The following CASZ1 variants were observed in gnomAD, a reference collection of about 807,000 sequenced individuals.
CASZ1 encodes the protein zinc finger protein castor homolog 1.
CASZ1 carries 28 observed loss-of-function variants against 135.2 expected under a neutral mutation model. That is an observed-to-expected ratio of 0.21 (90% CI 0.15 to 0.28). The LOEUF is 0.28. Among genes scored for constraint, CASZ1 ranks in the 10% least tolerant of loss-of-function variants. The pLI is 1.00. For synonymous variants in CASZ1, 1,068 were observed against 1,073.4 expected, an observed-to-expected ratio of 0.99 and a Z score of 0.10; for missense variants, 2,161 against 2,453.3, an observed-to-expected ratio of 0.88 and a Z score of 2.52.
At chr1:10,671,330 G>GCA (rs1170521835) in intron 4 of CASZ1, among the ~76,000 whole-genome samples, 1 of 152,156 alleles carries the variant, frequency 6.6e-6, no homozygotes, top group Non-Finnish European at 1.5e-5. Context: ...CTGTGCGCGC[G>GCA]CACACACGCT....
At chr1:10,742,075 G>A (rs1175488067) in intron 2 of CASZ1, among the ~76,000 whole-genome samples, 3 of 152,084 alleles carry the variant, frequency 2.0e-5, no homozygotes, top group Non-Finnish European at 2.9e-5. Flanking sequence ...CAGGGTCCAC[G>A]GCTGCAAGTC....
rs1418770171 is a variant in CASZ1, at chr1:10,720,100, G to A, written c.-76-14556C>T. On this transcript the variant is annotated intron_variant, in intron 2 of 20. Coordinates refer to ENST00000377022, the MANE Select transcript of CASZ1 (RefSeq NM_001079843.3). The surrounding 1 kb of genome is among the most constrained non-coding windows in gnomAD (Gnocchi z 5.7). ...ACAGAGAGCTTGGATCCGGCTGCAA[G>A]TTCTGAAGTCTGGTAGGTACCGATG... Among the ~76,000 whole-genome samples the A allele has an allele frequency of 6.6e-6, 1 of 152,246 alleles. No homozygotes were observed. The highest frequency in any genetic ancestry group is 1.5e-5 in the Non-Finnish European group (1 of 68,042).
chr1:10,640,189 C>A, intron 20 of CASZ1, 130 bp from the exon 21 acceptor site: 1 of 1,405,268 alleles, frequency 7.1e-7, no homozygotes, highest in East Asian at 2.3e-5. Context: ...CTCGGCTTCC[C>A]CTGGCTTGGG....
chr1:10,696,095 G>A (rs1252322347), intron 3 of CASZ1, among the ~76,000 whole-genome samples: 3 of 152,250 alleles, frequency 2.0e-5, no homozygotes, highest in Non-Finnish European at 4.4e-5. Flanking sequence ...AGGGGCCAGG[G>A]AGGCCTTGGG....
At position 10,657,790 on chromosome 1, in the gene CASZ1, C is replaced by T. The variant is rs1000290710; in HGVS notation, c.1409+718G>A. Among the ~76,000 whole-genome samples, 5 of 1,986 alleles carry T rather than the reference C, an allele frequency of 2.5e-3. No individual in the cohort carries two copies. In the East Asian group the frequency reaches 0.027, roughly 11 times the overall value. The allele number at this position is 1,986 out of a possible 152,430, so 1.3% of individuals were successfully genotyped here. A position where few individuals can be genotyped will look rare whatever the true frequency, so the allele number is the denominator to read the frequency against. Reference sequence around the variant, plus strand: ...GGGTGCTGCCCCATCAGAGGGCAGGCGGTGGGGGGGTGGGGGCGGGGGGTG... The same window carrying T: ...GGGTGCTGCCCCATCAGAGGGCAGGTGGTGGGGGGGTGGGGGCGGGGGGTG... On this transcript the variant is annotated intron_variant, in intron 7 of 20. Transcript: ENST00000377022. This position sits in a 1 kb window ranked among gnomAD's most constrained non-coding sequence, Gnocchi z 5.7.
chr1:10,655,594 G>T, intron 9 of CASZ1, 55 bp downstream of exon 9: 2 of 1,525,682 alleles, frequency 1.3e-6, no homozygotes, highest in Non-Finnish European at 1.8e-6. Context: ...GCTCAGAGCC[G>T]GGAGGGCCTG....
At position 10,707,236 on chromosome 1, in the gene CASZ1, TC is replaced by T. The variant is rs1206034013; in HGVS notation, c.-76-1693del. Among the ~76,000 whole-genome samples the T allele has an allele frequency of 6.6e-6, 1 of 151,970 alleles. No individual in the cohort carries two copies. The highest frequency in any genetic ancestry group is 1.5e-5 in the Non-Finnish European group (1 of 67,982). ...TCCCTTCCACCACCTTTCTCTCCCC[TC>T]CCATCCTCCCTGGCAACTGTGCATT... On this transcript the variant is annotated intron_variant, in intron 2 of 20. Coordinates refer to ENST00000377022, the MANE Select transcript of CASZ1 (RefSeq NM_001079843.3). This position sits in a 1 kb window ranked among gnomAD's most constrained non-coding sequence, Gnocchi z 5.0.
chr1:10,724,683 C>A lies in CASZ1; in HGVS notation c.-76-19139G>T, dbSNP rs1639563643. ...GGGCCTAGCACGAGCTCCAAGGTTG[C>A]CCCTGGTCTTCGCTCAGAGGGGCAC... is the stretch of plus-strand genomic sequence containing the variant. On this transcript the variant is annotated intron_variant, in intron 2 of 20. Coordinates refer to ENST00000377022, the MANE Select transcript of CASZ1 (RefSeq NM_001079843.3). This position sits in a 1 kb window ranked among gnomAD's most constrained non-coding sequence, Gnocchi z 4.1. Among the ~76,000 whole-genome samples, 3 of 152,210 alleles carry A rather than the reference C, an allele frequency of 2.0e-5. No homozygotes were observed. The South Asian group carries it at 6.2e-4, about 31-fold the overall frequency.
chr1:10,691,751 C>T (rs1638777837), intron 4 of CASZ1, among the ~76,000 whole-genome samples: 1 of 152,212 alleles, frequency 6.6e-6, no homozygotes, highest in African/African-American at 2.4e-5. Flanking sequence ...GGGATCTCAG[C>T]GTCCTCATCT....
rs1491432487 is a variant in CASZ1 at position 10,657,997 on chromosome 1, T to TC, written c.1409+510_1409+511insG. 1,162 of 111,620 alleles carry TC rather than the reference T, an allele frequency of 0.01. 8 individuals carry two copies. Among genetic ancestry groups the TC allele is most frequent in the Non-Finnish European group, 0.016 (894 of 56,566 alleles). The allele number at this position is 111,620 out of a possible 1,614,324, so 6.9% of individuals were successfully genotyped here. ...CCTTCTCTCTCGCTTTCTCTCTCTC[T>TC]TTTTTTTTTTTTTTTTAAAGAGATA... On this transcript the variant is annotated intron_variant, in intron 7 of 20. Transcript: ENST00000377022. The surrounding 1 kb of genome is among the most constrained non-coding windows in gnomAD (Gnocchi z 5.7).
Position 10,706,300 on chromosome 1 carries a change from C to A in CASZ1, c.-76-756G>T, listed in dbSNP as rs1389571441. Among the ~76,000 whole-genome samples the A allele has an allele frequency of 6.6e-6, 1 of 152,188 alleles. No individual in the cohort carries two copies. The highest frequency in any genetic ancestry group is 1.5e-5 in the Non-Finnish European group (1 of 68,018). On this transcript the variant is annotated intron_variant, in intron 2 of 20. Coordinates refer to ENST00000377022, the MANE Select transcript of CASZ1 (RefSeq NM_001079843.3). This position sits in a 1 kb window ranked among gnomAD's most constrained non-coding sequence, Gnocchi z 4.3. ...TGGGGAGCCAGGTTCAAAGGGGCAG[C>A]CTGTGTGTACGTGGAGAGAAAACAC...
intron 5 of CASZ1, 121 bp from the exon 6 acceptor site, chr1:10,660,657 C>T: frequency 1.5e-6 from 1 of 686,554 alleles, no homozygotes; most frequent in South Asian, 1.8e-5. Context: ...CGGAGCAGGA[C>T]ACGATCTATG....
At chr1:10,658,999 G>A (rs1053540015) in intron 6 of CASZ1, among the ~76,000 whole-genome samples, 1 of 152,198 alleles carries the variant, frequency 6.6e-6, no homozygotes, top group Non-Finnish European at 1.5e-5. Flanking sequence ...TCCAAGGCAT[G>A]CAGCCCCCTG....
Position 10,637,503 on chromosome 1 carries a change from T to A in CASZ1, c.*1439A>T. On this transcript the variant is annotated 3_prime_UTR_variant, in exon 21 of 21. Transcript: ENST00000377022. ...TCCTGGAGACCTCTGGGGAGGAGGC[T>A]TCTGGATGACAGCCTCCCCGCCAGC... The A allele has an allele frequency of 6.6e-6, 1 of 152,264 alleles. No homozygotes were observed. Among genetic ancestry groups the A allele is most frequent in the South Asian group, 2.1e-4 (1 of 4,820 alleles). 9.4% of individuals were successfully genotyped at this position (152,264 alleles called of 1,614,324 possible). A position where few individuals can be genotyped will look rare whatever the true frequency, so the allele number is the denominator to read the frequency against.
At chr1:10,738,918 GTTTTTTTTTTT>G (rs752101102) in intron 2 of CASZ1, among the ~76,000 whole-genome samples, 3 of 69,176 alleles carry the variant, frequency 4.3e-5, no homozygotes, top group Non-Finnish European at 8.3e-5. Context: ...ATGAAGGAAG[GTTTTTTTTTTT>G]TTTTTTTTTT....
rs556303666 is a variant in CASZ1 at position 10,709,620 on chromosome 1, G to A, written c.-76-4076C>T. 5.3e-5 allele frequency among the ~76,000 whole-genome samples: 8 copies of A among 152,248 alleles called. No homozygotes were observed. The South Asian group carries it at 1.5e-3, about 28-fold the overall frequency. ...TGAAAAAGAAAGAGAGAGCGGGAGA[G>A]GGGGAGAGAGAGAGAGGGAGAGAGA... On this transcript the variant is annotated intron_variant, in intron 2 of 20. Coordinates refer to ENST00000377022, the MANE Select transcript of CASZ1 (RefSeq NM_001079843.3). This position sits in a 1 kb window ranked among gnomAD's most constrained non-coding sequence, Gnocchi z 5.1.
rs1052712447 is a variant in CASZ1, at chr1:10,767,200, G to A, written c.-233-6343C>T. Among the ~76,000 whole-genome samples the A allele has an allele frequency of 2.0e-5, 3 of 152,140 alleles. No individual in the cohort carries two copies. The highest frequency in any genetic ancestry group is 2.1e-4 in the South Asian group (1 of 4,828). ...AGTGGGGAAAAGATGGGGCCCGGTC[G>A]TCCACATTCCTCATGAGTTCCTGCC... On this transcript the variant is annotated intron_variant, in intron 1 of 20. Transcript: ENST00000377022. This position sits in a 1 kb window ranked among gnomAD's most constrained non-coding sequence, Gnocchi z 4.2.
In CASZ1 at chr1:10,776,480, G is replaced by A. The variant is rs145188909; in HGVS notation, c.-233-15623C>T. On this transcript the variant is annotated intron_variant, in intron 1 of 20. Coordinates refer to ENST00000377022, the MANE Select transcript of CASZ1 (RefSeq NM_001079843.3). This position sits in a 1 kb window ranked among gnomAD's most constrained non-coding sequence, Gnocchi z 4.1. ...TCTCCCCTGCTTGTAATTGTCTCAC[G>A]TCTTGGCCTCTCAGTACTCGGCAAG... Among the ~76,000 whole-genome samples the A allele has an allele frequency of 7.9e-5, 12 of 152,310 alleles. No individual in the cohort carries two copies. The highest frequency in any genetic ancestry group is 1.9e-4 in the East Asian group (1 of 5,184).
At chr1:10,667,270 T>C (rs1395425554) in intron 4 of CASZ1, among the ~76,000 whole-genome samples, 1 of 152,152 alleles carries the variant, frequency 6.6e-6, no homozygotes, top group Non-Finnish European at 1.5e-5. Flanking sequence ...CAGTGGCCAG[T>C]ACGGATGGCT....
Sources: allele counts gnomAD v4.1 joint callset (sites outside exome capture counted in the v4.1 genomes callset), GRCh38; gene constraint gnomAD v4.1.1; non-coding constraint Gnocchi (gnomAD v3.1); transcripts MANE v1.5; gene names NCBI Gene and HGNC (gene_info 2026-07-23, HGNC 2026-07-21).